The following DHRSX variants were observed in gnomAD, a reference collection of about 807,000 sequenced individuals.
DHRSX encodes the protein dehydrogenase/reductase X-linked.
Under a neutral mutation model 34.0 loss-of-function variants are expected in DHRSX, and 31 were observed. The ratio of observed to expected loss-of-function variants is 0.91; its 90% CI spans 0.69 to 1.23. DHRSX has a LOEUF of 1.23. DHRSX is among the 50% of genes most tolerant of loss of function. DHRSX has a pLI of 0.00. For synonymous variants in DHRSX, 201 were observed against 183.8 expected (o/e 1.09, Z -0.76); for missense variants, 414 against 428.1 (o/e 0.97, Z 0.29).
chrX:2,331,436 G>GGT (rs1249970222), intron 3 of DHRSX, among the ~76,000 whole-genome samples: 2 of 94,658 alleles, frequency 2.1e-5, no homozygotes, highest in African/African-American at 6.7e-5. Flanking sequence ...AGGTTTTTTG[G>GGT]TTTTTTTTTT....
intron 3 of DHRSX, among the ~76,000 whole-genome samples, chrX:2,348,050 C>G (rs933341504): frequency 7.2e-5 from 11 of 152,176 alleles, no homozygotes; most frequent in Non-Finnish European, 1.0e-4. Flanking sequence ...CAGCCAAACC[C>G]ACAGTCAGGC....
chrX:2,387,516 C>G (rs1167157902), intron 3 of DHRSX, among the ~76,000 whole-genome samples: 1 of 152,086 alleles, frequency 6.6e-6, no homozygotes, highest in East Asian at 1.9e-4. Flanking sequence ...GAGAAAGATG[C>G]AGGCTGGGAG....
At chrX:2,490,359 T>C (rs1039488378) in intron 1 of DHRSX, 1 of 1,613,344 alleles carries the variant, frequency 6.2e-7, no homozygotes, top group Non-Finnish European at 8.5e-7. Flanking sequence ...TGCTGCTTCT[T>C]GCTGTCGTAG....
At chrX:2,401,904 C>T (rs888004260) in intron 3 of DHRSX, among the ~76,000 whole-genome samples, 5 of 152,196 alleles carry the variant, frequency 3.3e-5, no homozygotes, top group African/African-American at 7.2e-5. Flanking sequence ...AAAACAATCG[C>T]GCATTTATAA....
intron 1 of DHRSX, among the ~76,000 whole-genome samples, chrX:2,491,398 T>C (rs2045141490): frequency 6.6e-6 from 1 of 152,100 alleles, no homozygotes; most frequent in African/African-American, 2.4e-5. Flanking sequence ...CGCAGGGGCT[T>C]GTTGTTCCTG....
At chrX:2,370,408 G>C (rs113642399) in intron 3 of DHRSX, among the ~76,000 whole-genome samples, 48,458 of 151,738 alleles carry the variant, frequency 0.32, 9,064 homozygotes, top group Non-Finnish European at 0.44. Context: ...CTGACCTCAG[G>C]TGATCCACCC....
chrX:2,226,871 G>A (rs1259709112), intron 6 of DHRSX, among the ~76,000 whole-genome samples: 3 of 152,102 alleles, frequency 2.0e-5, no homozygotes, highest in Non-Finnish European at 4.4e-5. Flanking sequence ...CACAGAGAAT[G>A]TGACAGGTAG....
chrX:2,359,015 C>G (rs1161305046), intron 3 of DHRSX, among the ~76,000 whole-genome samples: 1 of 151,438 alleles, frequency 6.6e-6, no homozygotes, highest in Non-Finnish European at 1.5e-5. Context: ...AACATCACTG[C>G]TCATTAGAGA....
intron 3 of DHRSX, among the ~76,000 whole-genome samples, chrX:2,346,458 C>G (rs994152946): frequency 3.9e-5 from 6 of 152,160 alleles, no homozygotes; most frequent in African/African-American, 1.4e-4. Context: ...TGCCCCCAGC[C>G]TCCCCTCCCA....
chrX:2,228,629 ACCAAATAT>A (rs2015792473), intron 6 of DHRSX, among the ~76,000 whole-genome samples: 1 of 151,818 alleles, frequency 6.6e-6, no homozygotes, highest in African/African-American at 2.4e-5. Context: ...CCCCTATTTG[ACCAAATAT>A]CTGTGGTGAC....
intron 1 of DHRSX, among the ~76,000 whole-genome samples, chrX:2,432,570 T>C (rs2043940771): frequency 6.6e-6 from 1 of 152,100 alleles, no homozygotes; most frequent in Non-Finnish European, 1.5e-5. Context: ...CATGTGGAAA[T>C]TGAGTACACG....
intron 1 of DHRSX, among the ~76,000 whole-genome samples, chrX:2,498,625 GAA>G (rs10624636): frequency 1.5e-4 from 19 of 128,740 alleles, no homozygotes; most frequent in African/African-American, 1.2e-4. Flanking sequence ...CAGTAAATGG[GAA>G]AAAAAAAAAA....
At position 2,274,721 on chromosome X, in the gene DHRSX, G is replaced by A. The variant is rs901275305; in HGVS notation, c.389-7774C>T. Among the ~76,000 whole-genome samples, 69 of 151,818 alleles carry A rather than the reference G, an allele frequency of 4.5e-4. 1 individual carries two copies. The highest frequency in any genetic ancestry group is 1.4e-3 in the African/African-American group (60 of 41,398). ...GCTGGGATCCCAGGTGTGAGCCACC[G>A]CGCCCGGCCACGCACCCGTATTTTA... On this transcript the variant is annotated intron_variant, in intron 4 of 6. Transcript: ENST00000334651.
Position 2,308,283 on chromosome X carries a change from C to G in DHRSX, c.287-16680G>C, listed in dbSNP as rs758892545. Among the ~76,000 whole-genome samples, 494 of 152,008 alleles carry G rather than the reference C, an allele frequency of 3.2e-3. 4 individuals are homozygous for G. Among genetic ancestry groups the G allele is most frequent in the African/African-American group, 0.011 (471 of 41,422 alleles). On this transcript the variant is annotated intron_variant, in intron 3 of 6. Coordinates refer to ENST00000334651, the MANE Select transcript of DHRSX (RefSeq NM_145177.3). ...TCATGATATAAAGCCAAAATGGTGG[C>G]CTCCTACACTCAGAGCCTGTGAAAA...
rs1302739725 is a variant in DHRSX, at chrX:2,372,307, T to C, written c.286+36438A>G. On this transcript the variant is annotated intron_variant, in intron 3 of 6. Coordinates refer to ENST00000334651, the MANE Select transcript of DHRSX (RefSeq NM_145177.3). ...CATGACTGATAAAACCCTTTTGTATTATACAAGGGAACCGGAGTGGATGGA... is the reference window on the plus strand; with the variant it reads ...CATGACTGATAAAACCCTTTTGTATCATACAAGGGAACCGGAGTGGATGGA... Among the ~76,000 whole-genome samples, 3 of 152,122 alleles carry C rather than the reference T, an allele frequency of 2.0e-5. No homozygotes were observed. In the East Asian group the frequency reaches 5.8e-4, roughly 29 times the overall value.
chrX:2,471,150 G>C (rs1050484507), intron 1 of DHRSX, among the ~76,000 whole-genome samples: 1 of 152,016 alleles, frequency 6.6e-6, no homozygotes, highest in Non-Finnish European at 1.5e-5. Context: ...AACAAAACAA[G>C]TCCCAGTTTC....
At chrX:2,346,273 C>A (rs1285629323) in intron 3 of DHRSX, among the ~76,000 whole-genome samples, 3 of 152,036 alleles carry the variant, frequency 2.0e-5, no homozygotes, top group Non-Finnish European at 4.4e-5. Flanking sequence ...TATGTACCAT[C>A]TTCCCCTGAC....
rs746989058 is a variant in DHRSX, at chrX:2,367,306, T to C, written c.286+41439A>G. ...TACAAAAATTAGCCACGCGTGGTGG[T>C]AGGTGCCTGTAATCCCAGCAACTCA... On this transcript the variant is annotated intron_variant, in intron 3 of 6. Transcript: ENST00000334651. Among the ~76,000 whole-genome samples the C allele has an allele frequency of 7.9e-5, 12 of 151,912 alleles. No individual in the cohort carries two copies. In the South Asian group the frequency reaches 1.7e-3, roughly 21 times the overall value.
Position 2,343,808 on chromosome X carries a change from A to G in DHRSX, c.287-52205T>C, listed in dbSNP as rs143580892. ...TGATAAATGTTACGTTGTTTGATGT[A>G]GAATGTTTAATCTATAACATGCATA... On this transcript the variant is annotated intron_variant, in intron 3 of 6. Transcript: ENST00000334651. Among the ~76,000 whole-genome samples the G allele has an allele frequency of 1.8e-3, 269 of 152,302 alleles. 8 individuals carry two copies. In the East Asian group the frequency reaches 0.043, roughly 24 times the overall value.
Sources: gnomAD v4.1 joint callset for allele counts (sites outside exome capture counted in the v4.1 genomes callset) on GRCh38, gnomAD v4.1.1 for gene constraint, MANE v1.5 for transcripts, NCBI Gene and HGNC (gene_info 2026-07-23, HGNC 2026-07-21) for gene names.